The following MOB1B variants were observed in gnomAD, a reference collection of about 807,000 sequenced individuals.
MOB1B encodes MOB kinase activator 1B, also known as MOB1 Mps One Binder homolog B.
A neutral mutation model predicts 24.4 loss-of-function variants in MOB1B; 19 were observed. The ratio of observed to expected loss-of-function variants is 0.78; its 90% CI spans 0.54 to 1.14. MOB1B has a LOEUF of 1.14. Among genes scored for constraint, MOB1B ranks in the 50% most tolerant of loss-of-function variants. The probability of loss-of-function intolerance (pLI) is 0.00; values close to 1 mark genes in which losing one functional copy is unlikely to be tolerated. For missense variants in MOB1B, 243 were observed against 259.6 expected, an observed-to-expected ratio of 0.94 and a Z score of 0.44; for synonymous variants, 76 against 82.1, an observed-to-expected ratio of 0.93 and a Z score of 0.40.
intron 1 of MOB1B, among the ~76,000 whole-genome samples, chr4:70,951,741 T>TA (rs1461062888): frequency 2.6e-5 from 4 of 152,104 alleles, no homozygotes; most frequent in Non-Finnish European, 5.9e-5. Context: ...CTAATAAAAA[T>TA]ACAAAAAATT....
At chr4:70,961,583 C>T (rs1738307358) in intron 2 of MOB1B, among the ~76,000 whole-genome samples, 1 of 152,220 alleles carries the variant, frequency 6.6e-6, no homozygotes, top group Admixed American at 6.5e-5. Context: ...TAAAATTTCA[C>T]AGTAGTTCTA....
At chr4:70,904,306 TC>T (rs1198512559) in intron 1 of MOB1B, among the ~76,000 whole-genome samples, 3 of 152,010 alleles carry the variant, frequency 2.0e-5, no homozygotes, top group Non-Finnish European at 4.4e-5. Context: ...TTAGTTCTAA[TC>T]ACCATATTCA....
chr4:70,946,858 T>C (rs953823676), intron 1 of MOB1B, among the ~76,000 whole-genome samples: 2 of 152,050 alleles, frequency 1.3e-5, no homozygotes, highest in Non-Finnish European at 2.9e-5. Context: ...GTGAGGCAAG[T>C]GGTTACATTC....
Position 70,982,221 on chromosome 4 carries a change from C to T in MOB1B, c.*164C>T. 1 of 519,252 alleles carries T rather than the reference C, an allele frequency of 1.9e-6. No homozygotes were observed. Among genetic ancestry groups the T allele is most frequent in the Non-Finnish European group, 3.4e-6 (1 of 293,076 alleles). 32.2% of individuals were successfully genotyped at this position (519,252 alleles called of 1,614,324 possible). On this transcript the variant is annotated 3_prime_UTR_variant, in exon 6 of 6. Transcript: ENST00000309395. ...TATTCTGATTATGTGAAACCATATT[C>T]TATTGCTAGGGGAAGCCAAGAACCA...
intron 3 of MOB1B, among the ~76,000 whole-genome samples, 168 bp from the exon 4 acceptor site, chr4:70,974,985 G>T (rs1233765868): frequency 6.6e-6 from 1 of 152,208 alleles, no homozygotes; most frequent in Non-Finnish European, 1.5e-5. Flanking sequence ...TTTGGATTGT[G>T]ATAAACGCAA....
chr4:70,938,920 G>A (rs1578370067), intron 1 of MOB1B, among the ~76,000 whole-genome samples: 1 of 152,142 alleles, frequency 6.6e-6, no homozygotes, highest in African/African-American at 2.4e-5. Flanking sequence ...TGGGATTACA[G>A]GCACCTGCCA....
intron 1 of MOB1B, among the ~76,000 whole-genome samples, chr4:70,932,245 C>A (rs1463932469): frequency 6.6e-6 from 1 of 152,060 alleles, no homozygotes; most frequent in Non-Finnish European, 1.5e-5. Flanking sequence ...TAAGAGAAAT[C>A]ATATCATCCA....
chr4:70,976,754 A>ATATATATATATATATATATATT (rs1491294493), intron 4 of MOB1B: 24 of 131,114 alleles, frequency 1.8e-4, no homozygotes, highest in African/African-American at 1.1e-3. Flanking sequence ...ACTGAATTAC[A>ATATATATATATATATATATATT]TATATATATA....
chr4:70,979,060 T>G, intron 4 of MOB1B, 68 bp from the exon 5 acceptor site: 1 of 1,310,296 alleles, frequency 7.6e-7, no homozygotes, highest in Non-Finnish European at 1.1e-6. Context: ...ATGTTGACCT[T>G]TGCCGACAAA....
intron 1 of MOB1B, among the ~76,000 whole-genome samples, chr4:70,950,028 GTGT>G (rs1244630545): frequency 1.3e-5 from 2 of 152,162 alleles, no homozygotes. Flanking sequence ...AATTAGCCTT[GTGT>G]TGTTCGTGAA....
At chr4:70,976,468 C>G (rs1739001186) in intron 4 of MOB1B, 2 of 984,946 alleles carry the variant, frequency 2.0e-6, no homozygotes, top group African/African-American at 1.8e-5. Context: ...AGTGACTTTG[C>G]TTTTTTGTAT....
At chr4:70,919,581 C>T (rs979501339) in intron 1 of MOB1B, among the ~76,000 whole-genome samples, 1 of 152,164 alleles carries the variant, frequency 6.6e-6, no homozygotes, top group African/African-American at 2.4e-5. Flanking sequence ...TCACTGCAAC[C>T]TCTGCCTCCC....
chr4:70,906,842 A>G (rs1351405227), intron 1 of MOB1B, among the ~76,000 whole-genome samples: 1 of 152,122 alleles, frequency 6.6e-6, no homozygotes, highest in Non-Finnish European at 1.5e-5. Flanking sequence ...CATCCTTAGC[A>G]CCTGCTGTGT....
intron 1 of MOB1B, among the ~76,000 whole-genome samples, chr4:70,931,640 C>G (rs1362303515): frequency 6.6e-6 from 1 of 152,108 alleles, no homozygotes; most frequent in Admixed American, 6.6e-5. Context: ...TTTCTGAGGT[C>G]ACACTTTGTC....
intron 4 of MOB1B, chr4:70,976,638 A>T: frequency 3.1e-6 from 3 of 978,028 alleles, no homozygotes; most frequent in Non-Finnish European, 3.6e-6. Flanking sequence ...TTTGAAAAAA[A>T]AATGTGACAA....
intron 1 of MOB1B, among the ~76,000 whole-genome samples, chr4:70,911,742 T>A (rs1485931787): frequency 6.6e-6 from 1 of 152,140 alleles, no homozygotes; most frequent in Non-Finnish European, 1.5e-5. Flanking sequence ...TGTATTTGAT[T>A]AGGAGATATT....
chr4:70,976,601 A>G, intron 4 of MOB1B: 25 of 985,024 alleles, frequency 2.5e-5, no homozygotes, highest in Non-Finnish European at 3.0e-5. Context: ...CTGTAATGTT[A>G]GAACTTTTTG....
At chr4:70,916,324 T>C (rs1736191331) in intron 1 of MOB1B, among the ~76,000 whole-genome samples, 1 of 152,252 alleles carries the variant, frequency 6.6e-6, no homozygotes, top group South Asian at 2.1e-4. Flanking sequence ...TTTCAGCTCT[T>C]GTCATTTCAG....
At chr4:70,950,320 C>G (rs1469921845) in intron 1 of MOB1B, among the ~76,000 whole-genome samples, 1 of 151,482 alleles carries the variant, frequency 6.6e-6, no homozygotes, top group Non-Finnish European at 1.5e-5. Flanking sequence ...CCTGTAGTCC[C>G]AGCTACTCAG....
Sources: allele counts gnomAD v4.1 joint callset (sites outside exome capture counted in the v4.1 genomes callset), GRCh38; gene constraint gnomAD v4.1.1; transcripts MANE v1.5; gene names NCBI Gene and HGNC (gene_info 2026-07-23, HGNC 2026-07-21).